RASA3: variants seen among roughly 807,000 people sequenced by gnomAD.
RASA3 encodes RAS p21 protein activator 3.
A neutral mutation model predicts 110.0 loss-of-function variants in RASA3; 73 were observed. The ratio of observed to expected loss-of-function variants is 0.66; its 90% confidence interval spans 0.55 to 0.81. The LOEUF (loss-of-function observed/expected upper bound fraction) is 0.81. Ranked by LOEUF, RASA3 falls within the 30% of genes least tolerant of loss-of-function variation. The probability of loss-of-function intolerance (pLI) is 0.00; values close to 1 mark genes in which losing one functional copy is unlikely to be tolerated. For synonymous variants in RASA3, 500 were observed against 451.4 expected (o/e 1.11, Z -1.37); for missense variants, 976 against 1,113.2 (o/e 0.88, Z 1.75).
rs142213575 is a variant in RASA3, at chr13:114,071,670, G to A, written c.173+2050C>T. Among the ~76,000 whole-genome samples, 285 of 152,228 alleles carry A rather than the reference G, an allele frequency of 1.9e-3. 1 individual carries two copies. Among genetic ancestry groups the A allele is most frequent in the Non-Finnish European group, 3.1e-3 (214 of 68,008 alleles). On this transcript the variant is annotated intron_variant, in intron 2 of 23. Transcript: ENST00000334062. ...CCCTCAGCCTGCAGTTCTTTTTGACGAGTTATTTCAAAGAACCCGGAGCGT... is the reference window on the plus strand; with the variant it reads ...CCCTCAGCCTGCAGTTCTTTTTGACAAGTTATTTCAAAGAACCCGGAGCGT...
chr13:114,089,285 G>A (rs1252831527), intron 1 of RASA3, among the ~76,000 whole-genome samples: 2 of 139,738 alleles, frequency 1.4e-5, no homozygotes, highest in African/African-American at 5.2e-5. Context: ...GACGAGGGGA[G>A]ACGAGCGGGG....
intron 3 of RASA3, among the ~76,000 whole-genome samples, chr13:114,051,774 G>C (rs1199739343): frequency 6.6e-6 from 1 of 152,232 alleles, no homozygotes; most frequent in African/African-American, 2.4e-5. Context: ...GAAGTTGTCT[G>C]AAGAGGGCCA....
At chr13:114,017,155 C>A in intron 12 of RASA3, 82 bp downstream of exon 12, 1 of 1,291,540 alleles carries the variant, frequency 7.7e-7, no homozygotes, top group Non-Finnish European at 1.1e-6. Flanking sequence ...CGTGGTCTGG[C>A]TGGATCCCAG....
chr13:114,069,489 C>G (rs1468095139), intron 2 of RASA3, among the ~76,000 whole-genome samples: 3 of 40,078 alleles, frequency 7.5e-5, no homozygotes, highest in East Asian at 6.6e-4. Flanking sequence ...CCGGGAGACT[C>G]GGGGGACCAG....
chr13:113,999,958 G>C (rs1166883951), intron 19 of RASA3, among the ~76,000 whole-genome samples: 26 of 35,340 alleles, frequency 7.4e-4, no homozygotes, highest in African/African-American at 3.2e-3. Flanking sequence ...TCTCTGCTGG[G>C]GGGGGGTCTC....
At chr13:114,105,228 A>G (rs948530185) in intron 1 of RASA3, among the ~76,000 whole-genome samples, 73 of 152,060 alleles carry the variant, frequency 4.8e-4, no homozygotes, top group African/African-American at 1.6e-3. Context: ...ACCCCCACGC[A>G]AGCCCCCACC....
chr13:113,981,279 C>T (rs748998945), intron 23 of RASA3, among the ~76,000 whole-genome samples: 1 of 152,208 alleles, frequency 6.6e-6, no homozygotes, highest in South Asian at 2.1e-4. Flanking sequence ...TCGTCCAGAG[C>T]TGGCCCTGCT....
chr13:114,034,553 C>T (rs2054244663), intron 4 of RASA3, among the ~76,000 whole-genome samples: 1 of 152,228 alleles, frequency 6.6e-6, no homozygotes. Context: ...ATGAATCCCT[C>T]CTGACCAGCT....
In RASA3 at chr13:114,018,223, C is replaced by T. The variant is rs2274715; in HGVS notation, c.972G>A (p.Leu324=). The T allele has an allele frequency of 3.0e-4, 464 of 1,553,892 alleles. 5 individuals carry two copies. The East Asian group carries it at 0.011, about 36-fold the overall frequency. Residue 324 remains leucine (L), a synonymous_variant, in exon 11 of 24, where the codon CTG becomes CTA. Transcript: ENST00000334062. The stretch of plus-strand genomic sequence containing the variant: ...CCTGCTTCTCCCGGCAAACCTCGCC[C>T]AGGATGTGGGCCGCAGACGCTGACA... ...EPVSASAAHI[L]GEVCREKQEA... is the part of the protein sequence containing the mutation.
At chr13:113,991,192 A>G (rs8002949) in intron 22 of RASA3, among the ~76,000 whole-genome samples, 1 of 24,592 alleles carries the variant, frequency 4.1e-5, no homozygotes. Context: ...CACCCAGGGC[A>G]TGCGGGGCTG....
chr13:114,129,512 C>T (rs2080491731), intron 1 of RASA3, among the ~76,000 whole-genome samples: 1 of 152,182 alleles, frequency 6.6e-6, no homozygotes, highest in South Asian at 2.1e-4. Flanking sequence ...TGAGGCCACA[C>T]ACCACCACAC....
At chr13:114,110,726 G>A (rs1203286151) in intron 1 of RASA3, among the ~76,000 whole-genome samples, 4 of 152,210 alleles carry the variant, frequency 2.6e-5, no homozygotes, top group African/African-American at 7.2e-5. Context: ...CATCACAGCC[G>A]CCTTCACCCG....
In RASA3 at chr13:114,132,493, G is replaced by T; in HGVS notation, c.-4C>A. 1 of 1,471,596 alleles carries T rather than the reference G, an allele frequency of 6.8e-7. No homozygotes were observed. Among genetic ancestry groups the T allele is most frequent in the East Asian group, 3.0e-5 (1 of 33,432 alleles). 91.2% of individuals were successfully genotyped at this position (1,471,596 alleles called of 1,614,324 possible). A position where few individuals can be genotyped will look rare whatever the true frequency, so the allele number is the denominator to read the frequency against. ...GCCCCTCGTCCTCCACCGCCATGCTGCGCGTCCGCGCCCGCCGAGCCTCGC... is the reference window on the plus strand; with the variant it reads ...GCCCCTCGTCCTCCACCGCCATGCTTCGCGTCCGCGCCCGCCGAGCCTCGC... On this transcript the variant is annotated 5_prime_UTR_variant, in exon 1 of 24. Coordinates refer to ENST00000334062, the MANE Select transcript of RASA3 (RefSeq NM_007368.4).
At chr13:114,073,891 G>T in intron 1 of RASA3, 54 bp from the exon 2 acceptor site, 1 of 1,418,002 alleles carries the variant, frequency 7.1e-7, no homozygotes, top group Non-Finnish European at 1.0e-6. Context: ...TTTGTTCCCT[G>T]CTACATCGCA....
chr13:113,979,016 C>CCGTG lies in RASA3; in HGVS notation c.*327_*330dup. 1 of 362,840 alleles carries CCGTG rather than the reference C, an allele frequency of 2.8e-6. No homozygotes were observed. Among genetic ancestry groups the CCGTG allele is most frequent in the South Asian group, 3.2e-5 (1 of 31,008 alleles). 22.5% of individuals were successfully genotyped at this position (362,840 alleles called of 1,614,324 possible). ...TGCATGTCACAGTCGACTAGACGGG[C>CCGTG]CGTGGCTCCCTGAGGCTGGCTGTGG... On this transcript the variant is annotated 3_prime_UTR_variant, in exon 24 of 24. Coordinates refer to ENST00000334062, the MANE Select transcript of RASA3 (RefSeq NM_007368.4).
chr13:114,057,528 G>A lies in RASA3; in HGVS notation c.174-5373C>T, dbSNP rs901449301. 5.1e-6 allele frequency: 5 copies of A among 984,626 alleles called. No homozygotes were observed. Among genetic ancestry groups the A allele is most frequent in the African/African-American group, 1.7e-5 (1 of 57,196 alleles). 61.0% of individuals were successfully genotyped at this position (984,626 alleles called of 1,614,324 possible). On this transcript the variant is annotated intron_variant, in intron 2 of 23. Coordinates refer to ENST00000334062, the MANE Select transcript of RASA3 (RefSeq NM_007368.4). The surrounding 1 kb of genome is among the most constrained non-coding windows in gnomAD (Gnocchi z 5.0). ...TTCTTAGACCGATGATTTATTTAGG[G>A]AATAAGAAGGGCGATTCCAGGGACA...
At chr13:114,055,398 C>A (rs1297233431) in intron 2 of RASA3, among the ~76,000 whole-genome samples, 1 of 152,236 alleles carries the variant, frequency 6.6e-6, no homozygotes, top group Non-Finnish European at 1.5e-5. Context: ...GGGCAGGACG[C>A]ACACTCCCCA....
At chr13:114,068,256 G>A (rs538502907) in intron 2 of RASA3, among the ~76,000 whole-genome samples, 21 of 152,178 alleles carry the variant, frequency 1.4e-4, no homozygotes, top group Non-Finnish European at 2.8e-4. Flanking sequence ...AGAGGGCTTT[G>A]CCCAGCCTCA....
intron 9 of RASA3, among the ~76,000 whole-genome samples, chr13:114,021,166 T>G (rs1228243413): frequency 6.6e-6 from 1 of 152,234 alleles, no homozygotes; most frequent in East Asian, 1.9e-4. Context: ...CCAGCCATTG[T>G]GAGTCCCTGC....
Sources: gnomAD v4.1 joint callset for allele counts (sites outside exome capture counted in the v4.1 genomes callset) on GRCh38, gnomAD v4.1.1 for gene constraint, Gnocchi (gnomAD v3.1) non-coding constraint, MANE v1.5 for transcripts, NCBI Gene and HGNC (gene_info 2026-07-23, HGNC 2026-07-21) for gene names.